Variants in RGS22 observed in about 807,000 individuals in gnomAD.
The protein encoded by RGS22 is regulator of G-protein signaling 22.
Under a neutral mutation model 172.9 loss-of-function variants are expected in RGS22, and 148 were observed. The observed-to-expected ratio is 0.86, with a 90% CI of 0.75 to 0.98. The LOEUF (loss-of-function observed/expected upper bound fraction) is 0.98. Among genes scored for constraint, RGS22 ranks in the 50% least tolerant of loss-of-function variants. RGS22 has a pLI of 0.00. For synonymous variants in RGS22, 458 were observed against 480.2 expected (o/e 0.95, Z 0.60); for missense variants, 1,347 against 1,440.8 (o/e 0.93, Z 1.05).
intron 10 of RGS22, chr8:100,051,018 A>G (rs1821219973): frequency 1.3e-5 from 2 of 152,168 alleles, no homozygotes; most frequent in Non-Finnish European, 2.9e-5. Flanking sequence ...ATAGTGATGG[A>G]GGGTATGTGT....
intron 4 of RGS22, among the ~76,000 whole-genome samples, chr8:100,072,640 T>G (rs1460164777): frequency 6.6e-6 from 1 of 151,690 alleles, no homozygotes; most frequent in Non-Finnish European, 1.5e-5. Flanking sequence ...CCAAAGTCAC[T>G]GCAGGCCCCT....
At chr8:100,005,976 A>G (rs373916745) in intron 16 of RGS22, 41 bp downstream of exon 16, 10 of 1,494,778 alleles carry the variant, frequency 6.7e-6, no homozygotes, top group Non-Finnish European at 8.4e-6. Context: ...AACCCTCTCC[A>G]GGATAAAAAG....
chr8:100,042,961 G>C (rs536877336), intron 11 of RGS22, among the ~76,000 whole-genome samples: 1 of 152,264 alleles, frequency 6.6e-6, no homozygotes, highest in East Asian at 1.9e-4. Context: ...AGGGTTAATG[G>C]AAATTGCCCT....
At chr8:100,078,730 G>A (rs1216374112) in intron 4 of RGS22, among the ~76,000 whole-genome samples, 1 of 152,088 alleles carries the variant, frequency 6.6e-6, no homozygotes, top group African/African-American at 2.4e-5. Flanking sequence ...AGGCTTAGGT[G>A]ATCCTCCTAC....
At chr8:100,081,362 G>GTGTATA (rs71572055) in intron 3 of RGS22, among the ~76,000 whole-genome samples, 62 of 143,504 alleles carry the variant, frequency 4.3e-4, no homozygotes, top group Admixed American at 1.2e-3. Flanking sequence ...GTGCGTGTAT[G>GTGTATA]TATATATATA....
chr8:100,019,017 AC>A (rs1235244128), intron 14 of RGS22, among the ~76,000 whole-genome samples: 8 of 151,338 alleles, frequency 5.3e-5, no homozygotes, highest in African/African-American at 1.9e-4. Flanking sequence ...AATGTTTTCC[AC>A]AACTGTCTGT....
intron 20 of RGS22, among the ~76,000 whole-genome samples, chr8:99,995,384 A>G (rs961021601): frequency 3.3e-5 from 5 of 152,238 alleles, no homozygotes; most frequent in African/African-American, 1.2e-4. Context: ...AAGGGTTAAT[A>G]TCCAGAATCT....
intron 24 of RGS22, among the ~76,000 whole-genome samples, chr8:99,964,132 C>G (rs1031512634): frequency 6.6e-6 from 1 of 151,892 alleles, no homozygotes; most frequent in Non-Finnish European, 1.5e-5. Flanking sequence ...GTGATTATAT[C>G]CAGGTTTCAA....
chr8:99,985,604 C>T (rs1270142054), intron 21 of RGS22, among the ~76,000 whole-genome samples: 4 of 152,170 alleles, frequency 2.6e-5, no homozygotes, highest in Admixed American at 2.6e-4. Context: ...TTTACGCCTA[C>T]AATTTAGCAT....
At chr8:99,985,704 T>C (rs1490634235) in intron 21 of RGS22, among the ~76,000 whole-genome samples, 1 of 152,188 alleles carries the variant, frequency 6.6e-6, no homozygotes, top group Non-Finnish European at 1.5e-5. Flanking sequence ...ATTGTAAGTC[T>C]GTCATGCTAT....
At position 100,054,610 on chromosome 8, in the gene RGS22, T is replaced by A. The variant is rs998316766; in HGVS notation, c.1515-1634A>T. On this transcript the variant is annotated intron_variant, in intron 9 of 27. Coordinates refer to ENST00000360863, the MANE Select transcript of RGS22 (RefSeq NM_015668.5). Reference sequence around the variant, plus strand: ...CCTGTCTCTAAGAAAATTTAAAAAATTTTAAAAATAAAATAGGAAAAAGAT... The same window carrying A: ...CCTGTCTCTAAGAAAATTTAAAAAAATTTAAAAATAAAATAGGAAAAAGAT... Among the ~76,000 whole-genome samples the A allele has an allele frequency of 3.9e-5, 6 of 152,144 alleles. No individual in the cohort carries two copies. The East Asian group carries it at 5.8e-4, about 15-fold the overall frequency.
intron 22 of RGS22, among the ~76,000 whole-genome samples, chr8:99,980,103 T>C (rs541246015): frequency 8.5e-5 from 13 of 152,116 alleles, no homozygotes; most frequent in Non-Finnish European, 1.3e-4. Flanking sequence ...GTTTTAAAAT[T>C]ATTATTTGTA....
intron 6 of RGS22, among the ~76,000 whole-genome samples, chr8:100,069,073 T>C (rs1810753722): frequency 6.6e-6 from 1 of 152,114 alleles, no homozygotes; most frequent in Non-Finnish European, 1.5e-5. Flanking sequence ...TTGACAAATA[T>C]TGCTGATAGA....
chr8:100,096,984 T>A (rs1183589255), intron 2 of RGS22, among the ~76,000 whole-genome samples: 2 of 152,218 alleles, frequency 1.3e-5, no homozygotes, highest in African/African-American at 4.8e-5. Flanking sequence ...TCTGGTAAGA[T>A]GAATCAGAAG....
intron 14 of RGS22, among the ~76,000 whole-genome samples, chr8:100,018,879 T>C (rs1817299949): frequency 6.6e-6 from 1 of 152,150 alleles, no homozygotes; most frequent in South Asian, 2.1e-4. Context: ...ATGCCAGACT[T>C]ACTTTTCCCA....
chr8:100,079,018 A>C (rs1346661272), intron 4 of RGS22, among the ~76,000 whole-genome samples: 1 of 152,228 alleles, frequency 6.6e-6, no homozygotes, highest in Non-Finnish European at 1.5e-5. Context: ...CTATCTTCAA[A>C]TATATCAAAT....
In RGS22 at chr8:100,056,331, A is replaced by G. The variant is rs187420359; in HGVS notation, c.1515-3355T>C. Among the ~76,000 whole-genome samples, 253 of 152,342 alleles carry G rather than the reference A, an allele frequency of 1.7e-3. 2 individuals carry two copies. Among genetic ancestry groups the G allele is most frequent in the Middle Eastern group, 0.01 (3 of 294 alleles). ...AATTTGCAGCCTGATGATGCGACAG[A>G]AAAGAAAACCCATTTTCTAGGGAGA... On this transcript the variant is annotated intron_variant, in intron 9 of 27. Coordinates refer to ENST00000360863, the MANE Select transcript of RGS22 (RefSeq NM_015668.5).
At chr8:100,070,375 A>G (rs554384702) in intron 6 of RGS22, among the ~76,000 whole-genome samples, 1 of 152,334 alleles carries the variant, frequency 6.6e-6, no homozygotes, top group South Asian at 2.1e-4. Flanking sequence ...GAGTATGAAA[A>G]ATATAACGAA....
intron 14 of RGS22, among the ~76,000 whole-genome samples, chr8:100,020,675 T>A (rs1212404330): frequency 3.9e-5 from 6 of 152,224 alleles, no homozygotes; most frequent in Non-Finnish European, 7.3e-5. Context: ...AGGAATTTTG[T>A]GAGTCAGTTG....
Sources: gnomAD v4.1 joint callset for allele counts (sites outside exome capture counted in the v4.1 genomes callset) on GRCh38, gnomAD v4.1.1 for gene constraint, MANE v1.5 for transcripts, NCBI Gene and HGNC (gene_info 2026-07-23, HGNC 2026-07-21) for gene names.